KDM2B: variants seen among roughly 807,000 people sequenced by gnomAD.
KDM2B encodes lysine-specific demethylase 2B.
A neutral mutation model predicts 150.0 loss-of-function variants in KDM2B; 26 were observed. The ratio of observed to expected loss-of-function variants is 0.17; its 90% CI spans 0.13 to 0.24. KDM2B has a LOEUF of 0.24. Among genes scored for constraint, KDM2B ranks in the 10% least tolerant of loss-of-function variants. KDM2B has a pLI of 1.00. For missense variants in KDM2B, 1,265 were observed against 1,816.9 expected (o/e 0.70, Z 5.52); for synonymous variants, 734 against 729.5 (o/e 1.01, Z -0.10).
rs2137346395 is a variant in KDM2B, at chr12:121,430,099, CA to C, written c.*188del. Reference sequence around the variant, plus strand: ...CAGTGCAGTTACGATTCAGAAAGACCAAAGGAAAGTGTCGGCTCACTCATCC... The same window carrying C: ...CAGTGCAGTTACGATTCAGAAAGACCAAGGAAAGTGTCGGCTCACTCATCC... On this transcript the variant is annotated 3_prime_UTR_variant, in exon 23 of 23. Coordinates refer to ENST00000377071, the MANE Select transcript of KDM2B (RefSeq NM_032590.5). The surrounding 1 kb of genome is among the most constrained non-coding windows in gnomAD (Gnocchi z 4.4). 6.2e-7 allele frequency: 1 copy of C among 1,602,552 alleles called. No homozygotes were observed.
intron 11 of KDM2B, among the ~76,000 whole-genome samples, chr12:121,501,167 G>C (rs1419725556): frequency 6.6e-6 from 1 of 151,946 alleles, no homozygotes; most frequent in Non-Finnish European, 1.5e-5. Flanking sequence ...CCAATGTCAA[G>C]TGTCTTTATA....
rs781819494 is a variant in KDM2B, at chr12:121,467,196, T to C, written c.1735-13852A>G. On this transcript the variant is annotated intron_variant, in intron 12 of 22. Transcript: ENST00000377071. The surrounding 1 kb of genome is among the most constrained non-coding windows in gnomAD (Gnocchi z 5.1). ...GATTCATAGTCGTCGTCCTCGGCGC[T>C]CACGGACATGGCCATGGCTCATGGT... 1 of 1,112,898 alleles carries C rather than the reference T, an allele frequency of 9.0e-7. No individual in the cohort carries two copies. Among genetic ancestry groups the C allele is most frequent in the South Asian group, 1.8e-5 (1 of 54,406 alleles). The allele number at this position is 1,112,898 out of a possible 1,614,324, so 68.9% of individuals were successfully genotyped here.
intron 12 of KDM2B, among the ~76,000 whole-genome samples, chr12:121,455,528 T>C (rs1555292560): frequency 6.6e-6 from 1 of 151,872 alleles, no homozygotes; most frequent in East Asian, 1.9e-4. Context: ...CTGGGCAACA[T>C]AGTGAGACCT....
chr12:121,541,330 A>G (rs1888591218), intron 6 of KDM2B, among the ~76,000 whole-genome samples: 3 of 140,410 alleles, frequency 2.1e-5, no homozygotes, highest in Non-Finnish European at 3.0e-5. Context: ...CAGGACTCTG[A>G]GGCTGCAATG....
chr12:121,527,472 G>A (rs1235942157), intron 8 of KDM2B, among the ~76,000 whole-genome samples: 36 of 146,496 alleles, frequency 2.5e-4, no homozygotes, highest in African/African-American at 7.5e-5. Flanking sequence ...CTAACACGGT[G>A]AAACCCCGTC....
intron 9 of KDM2B, among the ~76,000 whole-genome samples, chr12:121,519,750 T>C (rs1485010657): frequency 3.3e-5 from 5 of 152,210 alleles, no homozygotes; most frequent in Non-Finnish European, 7.3e-5. Flanking sequence ...CTGAATTGTA[T>C]ACTTTGAATG....
chr12:121,538,254 C>A (rs1888326770), intron 6 of KDM2B, among the ~76,000 whole-genome samples: 1 of 151,956 alleles, frequency 6.6e-6, no homozygotes, highest in East Asian at 1.9e-4. Flanking sequence ...GCAGGGCTGG[C>A]TCTCCCCACC....
chr12:121,562,530 G>A (rs984902327), intron 4 of KDM2B, among the ~76,000 whole-genome samples: 3 of 152,078 alleles, frequency 2.0e-5, no homozygotes, highest in East Asian at 1.9e-4. Context: ...TTTCCAAGGG[G>A]TGAGAACTTA....
At chr12:121,554,448 A>C (rs1889752311) in intron 4 of KDM2B, among the ~76,000 whole-genome samples, 2 of 150,678 alleles carry the variant, frequency 1.3e-5, no homozygotes, top group East Asian at 2.0e-4. Context: ...TTTGTCCCCC[A>C]GGCTGGAGTG....
At chr12:121,474,571 T>A (rs1881143485) in intron 12 of KDM2B, among the ~76,000 whole-genome samples, 1 of 152,130 alleles carries the variant, frequency 6.6e-6, no homozygotes, top group Admixed American at 6.5e-5. Context: ...GCATATACAG[T>A]CATGCTCTTG....
chr12:121,468,706 A>G lies in KDM2B; in HGVS notation c.1735-15362T>C, dbSNP rs2139564434. The G allele has an allele frequency of 6.6e-6, 1 of 152,322 alleles. No homozygotes were observed. The highest frequency in any genetic ancestry group is 1.9e-4 in the East Asian group (1 of 5,180). The allele number at this position is 152,322 out of a possible 1,614,324, so 9.4% of individuals were successfully genotyped here. A position where few individuals can be genotyped will look rare whatever the true frequency, so the allele number is the denominator to read the frequency against. The stretch of plus-strand genomic sequence containing the variant: ...CAGGCTGGTCCTGGCCTGGCCTTTC[A>G]AAGAAGGCAGGCTGTGTGCCGGAGA... On this transcript the variant is annotated intron_variant, in intron 12 of 22. Transcript: ENST00000377071. The surrounding 1 kb of genome is among the most constrained non-coding windows in gnomAD (Gnocchi z 4.0).
At chr12:121,449,209 C>G (rs1489007545) in intron 13 of KDM2B, among the ~76,000 whole-genome samples, 1 of 151,800 alleles carries the variant, frequency 6.6e-6, no homozygotes, top group African/African-American at 2.4e-5. Context: ...TGTGGGGGGG[C>G]AGACTGCAGG....
chr12:121,580,256 G>GA (rs1301973329), intron 1 of KDM2B: 1 of 1,276,712 alleles, frequency 7.8e-7, no homozygotes, highest in African/African-American at 1.6e-5. Context: ...CAGTTGTGGG[G>GA]GGGGGGAGGC....
At position 121,463,261 on chromosome 12, in the gene KDM2B, A is replaced by G. The variant is rs565370646; in HGVS notation, c.1735-9917T>C. On this transcript the variant is annotated intron_variant, in intron 12 of 22. Transcript: ENST00000377071. ...AACCCAGGAAGCAGAGATTGCAGTG[A>G]GCTGAGATCGCGTCACTGCACTCCA... Among the ~76,000 whole-genome samples the G allele has an allele frequency of 1.8e-4, 28 of 152,072 alleles. No homozygotes were observed. In the South Asian group the frequency reaches 5.4e-3, roughly 29 times the overall value.
chr12:121,507,932 G>A (rs1555303190), intron 11 of KDM2B, among the ~76,000 whole-genome samples: 1 of 152,154 alleles, frequency 6.6e-6, no homozygotes, highest in African/African-American at 2.4e-5. Flanking sequence ...GATCACTTGA[G>A]CCTGGGAGGT....
chr12:121,436,715 G>A lies in KDM2B; in HGVS notation c.3829+3142C>T, dbSNP rs529352778. ...AAGAACACAGACGTCCAGACTGAAC[G>A]GCTTCTGTGAGTGTTCAGCATGGTA... On this transcript the variant is annotated intron_variant, in intron 22 of 22. Transcript: ENST00000377071. Among the ~76,000 whole-genome samples, 89 of 152,120 alleles carry A rather than the reference G, an allele frequency of 5.9e-4. 2 individuals are homozygous for A. The highest frequency in any genetic ancestry group is 2.1e-4 in the Non-Finnish European group (14 of 68,032).
rs901561410 is a variant in KDM2B at position 121,452,280 on chromosome 12, T to C, written c.1959+840A>G. On this transcript the variant is annotated intron_variant, in intron 13 of 22. Coordinates refer to ENST00000377071, the MANE Select transcript of KDM2B (RefSeq NM_032590.5). The surrounding 1 kb of genome is among the most constrained non-coding windows in gnomAD (Gnocchi z 4.4). The stretch of plus-strand genomic sequence containing the variant: ...GTACTGCATACTTAAAAATGATTAA[T>C]GTATTTTTTTTACCACAATTTCAAA... Among the ~76,000 whole-genome samples the C allele has an allele frequency of 6.6e-6, 1 of 152,342 alleles. No homozygotes were observed. Among genetic ancestry groups the C allele is most frequent in the South Asian group, 2.1e-4 (1 of 4,830 alleles).
chr12:121,425,924 G>A (rs1395908355), downstream of KDM2B, among the ~76,000 whole-genome samples: 2 of 151,872 alleles, frequency 1.3e-5, no homozygotes, highest in African/African-American at 4.8e-5. Context: ...CCGCCACCAC[G>A]CCCGGCTAAT....
At chr12:121,425,789 CAG>C (rs1484419507), downstream of KDM2B, among the ~76,000 whole-genome samples, 10 of 145,014 alleles carry the variant, frequency 6.9e-5, no homozygotes, top group East Asian at 1.8e-3. Flanking sequence ...TTTTTTGAGA[CAG>C]AGTCTCGCTC....
Sources: gnomAD v4.1 joint callset for allele counts (sites outside exome capture counted in the v4.1 genomes callset) on GRCh38, gnomAD v4.1.1 for gene constraint, Gnocchi (gnomAD v3.1) non-coding constraint, MANE v1.5 for transcripts, NCBI Gene and HGNC (gene_info 2026-07-23, HGNC 2026-07-21) for gene names.